PPARD: variants seen among roughly 807,000 people sequenced by gnomAD.
The protein encoded by PPARD is peroxisome proliferator activated receptor delta, also known as peroxisome proliferator-activated receptor delta.
PPARD carries 6 observed loss-of-function variants against 39.5 expected under a neutral mutation model. That is an observed-to-expected ratio of 0.15 (90% CI 0.08 to 0.30). PPARD has a LOEUF of 0.30. Ranked by LOEUF, PPARD falls within the 10% of genes least tolerant of loss-of-function variation. The pLI is 1.00. For synonymous variants in PPARD, 210 were observed against 231.3 expected, an observed-to-expected ratio of 0.91 and a Z score of 0.83; for missense variants, 397 against 596.8, an observed-to-expected ratio of 0.67 and a Z score of 3.49.
chr6:35,365,130 C>CCTTTTTTTTTTTTTTTTTTTTTT (rs1281072287), intron 2 of PPARD, among the ~76,000 whole-genome samples: 13 of 121,076 alleles, frequency 1.1e-4, no homozygotes, highest in African/African-American at 3.8e-4. Flanking sequence ...CTTCCTTATT[C>CCTTTTTTTTTTTTTTTTTTTTTT]TTTTTTTTTT....
intron 3 of PPARD, among the ~76,000 whole-genome samples, chr6:35,414,749 C>T (rs1244581589): frequency 2.0e-5 from 3 of 152,146 alleles, no homozygotes; most frequent in Admixed American, 6.5e-5. Context: ...ACTTTGGCCT[C>T]GGGAGTCCCC....
rs1294769491 is a variant in PPARD at position 35,421,889 on chromosome 6, A to G, written c.355A>G (p.Lys119Glu). 2 of 1,614,052 alleles carry G rather than the reference A, an allele frequency of 1.2e-6. No individual in the cohort carries two copies. Among genetic ancestry groups the G allele is most frequent in the Non-Finnish European group, 8.5e-7 (1 of 1,179,964 alleles). Reference sequence around the variant, plus strand: ...GTGTGAGCGCAGCTGCAAGATTCAGAAGAAGAACCGCAACAAGTGCCAGTA... The same window carrying G: ...GTGTGAGCGCAGCTGCAAGATTCAGGAGAAGAACCGCAACAAGTGCCAGTA... ...EKCERSCKIQ[K>E]KNRNKCQYCR... The change falls in exon 5 of 8, where the codon AAG becomes GAG. Residue 119 changes from lysine to glutamate, a missense_variant. Physicochemically the swap from Lys to Glu is moderately conservative, Grantham distance 56 (BLOSUM62 1). Coordinates refer to ENST00000360694, the MANE Select transcript of PPARD (RefSeq NM_006238.5).
intron 1 of PPARD, among the ~76,000 whole-genome samples, chr6:35,343,270 T>A (rs1055016478): frequency 6.6e-6 from 1 of 152,098 alleles, no homozygotes; most frequent in Non-Finnish European, 1.5e-5. Context: ...GTATTATGGG[T>A]CCCCATCCTC....
At chr6:35,349,030 T>C (rs1351514937) in intron 2 of PPARD, 2 of 885,662 alleles carry the variant, frequency 2.3e-6, no homozygotes, top group Non-Finnish European at 2.7e-6. Context: ...TCCTTTCTTT[T>C]TTTTTTTTTT....
In PPARD at chr6:35,424,815, C is replaced by T; in HGVS notation, c.1078+36C>T. 1.9e-6 allele frequency: 3 copies of T among 1,600,234 alleles called. No homozygotes were observed. Among genetic ancestry groups the T allele is most frequent in the Non-Finnish European group, 2.6e-6 (3 of 1,172,524 alleles). ...GTGGGGCAGGTGGGCTGGCCTGGCA[C>T]ACCCAGTCGTCCTGGGGGTTGGCCC... On this transcript the variant is annotated intron_variant, in intron 7 of 7. Coordinates refer to ENST00000360694, the MANE Select transcript of PPARD (RefSeq NM_006238.5). The surrounding 1 kb of genome is among the most constrained non-coding windows in gnomAD (Gnocchi z 7.1).
intron 2 of PPARD, among the ~76,000 whole-genome samples, chr6:35,407,027 G>A (rs916321110): frequency 6.6e-6 from 1 of 152,202 alleles, no homozygotes; most frequent in East Asian, 1.9e-4. Flanking sequence ...CGAGGCTTGA[G>A]TGGGAGCGTG....
At chr6:35,353,562 G>A (rs1189804535) in intron 2 of PPARD, among the ~76,000 whole-genome samples, 1 of 152,118 alleles carries the variant, frequency 6.6e-6, no homozygotes, top group East Asian at 1.9e-4. Flanking sequence ...AAAATAAAAA[G>A]CAAGAAAGGT....
intron 2 of PPARD, among the ~76,000 whole-genome samples, chr6:35,386,776 C>T (rs1381587402): frequency 1.3e-5 from 2 of 152,028 alleles, no homozygotes; most frequent in Admixed American, 1.3e-4. Flanking sequence ...CAGACCTAGC[C>T]TTGCAAAAAG....
intron 2 of PPARD, among the ~76,000 whole-genome samples, chr6:35,380,386 C>G (rs1238843108): frequency 6.7e-6 from 1 of 148,472 alleles, no homozygotes; most frequent in African/African-American, 2.5e-5. Flanking sequence ...AAGGAGACTT[C>G]AGCAAAGCCT....
At chr6:35,372,237 G>A (rs1484426697) in intron 2 of PPARD, among the ~76,000 whole-genome samples, 1 of 152,146 alleles carries the variant, frequency 6.6e-6, no homozygotes, top group Non-Finnish European at 1.5e-5. Flanking sequence ...GAGTGGAGTG[G>A]CATGATCTCG....
intron 2 of PPARD, among the ~76,000 whole-genome samples, chr6:35,388,274 C>A (rs1763797028): frequency 6.6e-6 from 1 of 152,072 alleles, no homozygotes; most frequent in Admixed American, 6.6e-5. Flanking sequence ...GGATGAGGAG[C>A]AGGCTGTAGA....
intron 2 of PPARD, among the ~76,000 whole-genome samples, chr6:35,362,922 G>C (rs1762003230): frequency 1.3e-5 from 2 of 152,212 alleles, no homozygotes; most frequent in Non-Finnish European, 2.9e-5. Context: ...CCCAGCCCCA[G>C]TAGTTTGACA....
rs958543168 is a variant in PPARD at position 35,363,069 on chromosome 6, C to T, written c.-102+15919C>T. On this transcript the variant is annotated intron_variant, in intron 2 of 7. Coordinates refer to ENST00000360694, the MANE Select transcript of PPARD (RefSeq NM_006238.5). This position sits in a 1 kb window ranked among gnomAD's most constrained non-coding sequence, Gnocchi z 4.5. The stretch of plus-strand genomic sequence containing the variant: ...TTCCATGCATCAGTAACTCAGATTC[C>T]GTTCCAGAAACGCATCTCAAAGCAA... Among the ~76,000 whole-genome samples the T allele has an allele frequency of 4.6e-5, 7 of 152,150 alleles. No homozygotes were observed. Among genetic ancestry groups the T allele is most frequent in the Admixed American group, 1.3e-4 (2 of 15,274 alleles).
At position 35,347,112 on chromosome 6, in the gene PPARD, T is replaced by G. The variant is rs1792230777; in HGVS notation, c.-140T>G. On this transcript the variant is annotated 5_prime_UTR_variant, in exon 2 of 8. Transcript: ENST00000360694. ...ATGCACGTGATACTCACACAGTGGC[T>G]TCTGCTCACCAACAGATGAAGACAG... 1 of 1,536,124 alleles carries G rather than the reference T, an allele frequency of 6.5e-7. No homozygotes were observed. Among genetic ancestry groups the G allele is most frequent in the African/African-American group, 1.4e-5 (1 of 73,176 alleles).
chr6:35,420,473 T>C (rs1766075338), intron 4 of PPARD, among the ~76,000 whole-genome samples, 192 bp downstream of exon 4: 1 of 152,164 alleles, frequency 6.6e-6, no homozygotes, highest in South Asian at 2.1e-4. Context: ...GGGGGTTCCC[T>C]TGTCAAGCCT....
At chr6:35,405,317 G>A (rs529933944) in intron 2 of PPARD, among the ~76,000 whole-genome samples, 2 of 152,186 alleles carry the variant, frequency 1.3e-5, no homozygotes, top group East Asian at 3.9e-4. Context: ...GGGATTATAG[G>A]TGTGAGCCCC....
intron 2 of PPARD, among the ~76,000 whole-genome samples, chr6:35,399,429 G>A (rs1251556376): frequency 2.7e-5 from 4 of 150,854 alleles, no homozygotes; most frequent in African/African-American, 9.8e-5. Context: ...ACAAAGGCTG[G>A]GTGCAGTGGC....
intron 2 of PPARD, among the ~76,000 whole-genome samples, chr6:35,355,601 T>G (rs1157950999): frequency 1.3e-5 from 1 of 77,720 alleles, no homozygotes; most frequent in African/African-American, 1.0e-4. Flanking sequence ...TCTTCTTCTT[T>G]TTTTTTTTTT....
At chr6:35,364,763 G>A (rs991015145) in intron 2 of PPARD, among the ~76,000 whole-genome samples, 2 of 151,192 alleles carry the variant, frequency 1.3e-5, no homozygotes, top group African/African-American at 4.9e-5. Context: ...TGTCTGGAGT[G>A]CAGTGGCGCG....
Sources: allele counts gnomAD v4.1 joint callset (sites outside exome capture counted in the v4.1 genomes callset), GRCh38; gene constraint gnomAD v4.1.1; non-coding constraint Gnocchi (gnomAD v3.1); transcripts MANE v1.5; gene names NCBI Gene and HGNC (gene_info 2026-07-23, HGNC 2026-07-21).